The following NCOR2 variants were observed in gnomAD, a reference collection of about 807,000 sequenced individuals.
NCOR2 encodes the protein CTG repeat protein 26.
In NCOR2, 81 loss-of-function variants were observed where a neutral mutation model predicts 262.9. The ratio of observed to expected loss-of-function variants is 0.31; its 90% CI spans 0.26 to 0.37. The LOEUF is 0.37. Ranked by LOEUF, NCOR2 falls within the 10% of genes least tolerant of loss-of-function variation. NCOR2 has a pLI of 1.00. For synonymous variants in NCOR2, 1,659 were observed against 1,559.3 expected (o/e 1.06, Z -1.51); for missense variants, 3,385 against 3,621.4 (o/e 0.93, Z 1.68).
At chr12:124,559,807 A>G (rs2052010302) in intron 1 of NCOR2, among the ~76,000 whole-genome samples, 1 of 152,250 alleles carries the variant, frequency 6.6e-6, no homozygotes, top group Non-Finnish European at 1.5e-5. Context: ...TGAGCTTCCT[A>G]GTAGCCAAAG....
chr12:124,385,622 A>T, intron 17 of NCOR2, 123 bp downstream of exon 19: 1 of 1,410,688 alleles, frequency 7.1e-7, no homozygotes, highest in Non-Finnish European at 9.5e-7. Context: ...CTGAGTTCTA[A>T]CAAGGCGGCA....
chr12:124,480,376 A>G (rs1341840253), intron 3 of NCOR2, among the ~76,000 whole-genome samples: 1 of 152,220 alleles, frequency 6.6e-6, no homozygotes, highest in African/African-American at 2.4e-5. Context: ...GCAGTCAGAC[A>G]CAGCTGGGTG....
intron 22 of NCOR2, among the ~76,000 whole-genome samples, 182 bp downstream of exon 24, chr12:124,361,944 A>G (rs2038622174): frequency 6.6e-6 from 1 of 152,238 alleles, no homozygotes; most frequent in African/African-American, 2.4e-5. Context: ...AGAGTTCTCC[A>G]ATTTGCCGCA....
rs1321385589 is a variant in NCOR2, at chr12:124,503,733, T to C, written c.-117-8365A>G. Among the ~76,000 whole-genome samples, 1 of 150,080 alleles carries C rather than the reference T, an allele frequency of 6.7e-6. No homozygotes were observed. The highest frequency in any genetic ancestry group is 1.5e-5 in the Non-Finnish European group (1 of 67,404). ...ATGGACAGACGAATGGATGGATGGA[T>C]GGACGGATGGATGCATGGATGCATG... On this transcript the variant is annotated intron_variant, in intron 1 of 46. Transcript: ENST00000404621. This position sits in a 1 kb window ranked among gnomAD's most constrained non-coding sequence, Gnocchi z 4.3.
rs562596084 is a variant in NCOR2, at chr12:124,391,084, A to C, written c.1877-5197T>G. Among the ~76,000 whole-genome samples, 146 of 152,340 alleles carry C rather than the reference A, an allele frequency of 9.6e-4. 1 individual carries two copies. Among genetic ancestry groups the C allele is most frequent in the South Asian group, 8.3e-3 (40 of 4,830 alleles). On this transcript the variant is annotated intron_variant, in intron 16 of 46. Transcript: ENST00000405201. Reference sequence around the variant, plus strand: ...GGCCAGGACTCAGCCTCCTCGGCTCAGGTGCTCTGGCCCTCAGGGAGGCCT... The same window carrying C: ...GGCCAGGACTCAGCCTCCTCGGCTCCGGTGCTCTGGCCCTCAGGGAGGCCT...
chr12:124,426,762 C>T (rs764896981), exon 11 of NCOR2: 69 of 1,593,194 alleles, frequency 4.3e-5, no homozygotes, highest in Non-Finnish European at 5.8e-5. Flanking sequence ...ACAGCATGGG[C>T]GGGATCACGG....
At chr12:124,565,325 G>C (rs966467619) in intron 1 of NCOR2, among the ~76,000 whole-genome samples, 2 of 152,160 alleles carry the variant, frequency 1.3e-5, no homozygotes, top group Non-Finnish European at 2.9e-5. Flanking sequence ...TTTCCAAGCA[G>C]GGACACGGCA....
Position 124,523,381 on chromosome 12 carries a change from G to C in NCOR2, c.-118+12184C>G, listed in dbSNP as rs185130261. Among the ~76,000 whole-genome samples the C allele has an allele frequency of 7.0e-4, 107 of 152,252 alleles. No individual in the cohort carries two copies. The highest frequency in any genetic ancestry group is 6.2e-3 in the East Asian group (32 of 5,172). On this transcript the variant is annotated intron_variant, in intron 1 of 46. Transcript: ENST00000404621. The surrounding 1 kb of genome is among the most constrained non-coding windows in gnomAD (Gnocchi z 4.0). ...CTGGGAACCCACACCCCGGTGGCAG[G>C]GGCAGCGGCAGAGGAAAGAGGAGTG... is the stretch of plus-strand genomic sequence containing the variant.
intron 13 of NCOR2, among the ~76,000 whole-genome samples, chr12:124,413,913 G>T (rs2042723175): frequency 6.6e-6 from 1 of 151,410 alleles, no homozygotes; most frequent in Non-Finnish European, 1.5e-5. Context: ...GGTGGCGGGG[G>T]GTACTGAGCC....
chr12:124,494,430 C>T (rs1015454141), intron 1 of NCOR2, among the ~76,000 whole-genome samples: 12 of 152,202 alleles, frequency 7.9e-5, no homozygotes, highest in East Asian at 3.9e-4. Context: ...AACCAAGGCC[C>T]GTTGTCCTGG....
exon 13 of NCOR2, chr12:124,419,980 A>G (rs1162807939): frequency 6.2e-7 from 1 of 1,613,982 alleles, no homozygotes. Flanking sequence ...CGGCGCCGAT[A>G]GCTCCGTCTC....
At chr12:124,520,612 G>C in intron 1 of NCOR2, among the ~76,000 whole-genome samples, 1 of 151,938 alleles carries the variant, frequency 6.6e-6, no homozygotes, top group East Asian at 1.9e-4. Context: ...GCAGCAAATT[G>C]TTTGTTGAGT....
chr12:124,328,551 C>T (rs1192806387), intron 44 of NCOR2: 3 of 150,482 alleles, frequency 2.0e-5, no homozygotes, highest in African/African-American at 7.5e-5. Context: ...TCTTGTGAAC[C>T]ACGTGGAGGT....
chr12:124,430,344 C>T (rs145866842), intron 9 of NCOR2, among the ~76,000 whole-genome samples: 3 of 152,282 alleles, frequency 2.0e-5, no homozygotes, highest in East Asian at 3.9e-4. Context: ...CTTCAGGGGT[C>T]GTGCAGGCCC....
At chr12:124,335,198 C>A (rs1357465993) in exon 40 of NCOR2, 3 of 1,611,184 alleles carry the variant, frequency 1.9e-6, no homozygotes, top group African/African-American at 2.7e-5. Flanking sequence ...CGGTCTGGAG[C>A]AGCGGGCTGG....
chr12:124,430,623 G>A, exon 9 of NCOR2: 2 of 1,612,118 alleles, frequency 1.2e-6, no homozygotes, highest in South Asian at 2.2e-5. Flanking sequence ...ACCTCTGCAT[G>A]CGCTCCTGCA....
At chr12:124,385,627 G>A in intron 17 of NCOR2, 118 bp downstream of exon 19, 1 of 1,425,804 alleles carries the variant, frequency 7.0e-7, no homozygotes, top group Non-Finnish European at 9.4e-7. Flanking sequence ...TTCTAACAAG[G>A]CGGCATAATA....
intron 34 of NCOR2, among the ~76,000 whole-genome samples, chr12:124,341,544 G>A (rs978959078): frequency 9.9e-5 from 15 of 152,108 alleles, no homozygotes; most frequent in African/African-American, 3.6e-4. Flanking sequence ...GCCACATTTT[G>A]ATCTTTAAAC....
upstream of NCOR2, chr12:124,495,381 A>G: frequency 2.8e-6 from 4 of 1,436,942 alleles, no homozygotes; most frequent in Non-Finnish European, 3.6e-6. This position sits in a 1 kb window ranked among gnomAD's most constrained non-coding sequence, Gnocchi z 4.4. Context: ...GCGGGAAAAC[A>G]AGAAAAGAAA....
Sources: allele counts gnomAD v4.1 joint callset (sites outside exome capture counted in the v4.1 genomes callset), GRCh38; gene constraint gnomAD v4.1.1; non-coding constraint Gnocchi (gnomAD v3.1); transcripts MANE v1.5; gene names NCBI Gene and HGNC (gene_info 2026-07-23, HGNC 2026-07-21).